Variants in LRRC4C observed in about 807,000 individuals in gnomAD.
LRRC4C encodes leucine-rich repeat-containing protein 4C.
In LRRC4C, 5 loss-of-function variants were observed where a neutral mutation model predicts 33.6. The observed-to-expected ratio is 0.15, with a 90% CI of 0.08 to 0.31. The LOEUF is 0.31. Among genes scored for constraint, LRRC4C ranks in the 10% least tolerant of loss-of-function variants. The pLI, the probability that LRRC4C is intolerant of heterozygous loss-of-function variation, is 1.00. For missense variants in LRRC4C, 560 were observed against 796.7 expected (o/e 0.70, Z 3.58); for synonymous variants, 329 against 302.0 (o/e 1.09, Z -0.93).
intron 3 of LRRC4C, among the ~76,000 whole-genome samples, chr11:40,534,215 T>C (rs550370959): frequency 4.6e-5 from 7 of 152,010 alleles, no homozygotes; most frequent in African/African-American, 1.7e-4. Flanking sequence ...TCATACGTGA[T>C]GTGTCCAATT....
At chr11:40,590,478 C>A (rs377209656) in intron 3 of LRRC4C, among the ~76,000 whole-genome samples, 1 of 152,044 alleles carries the variant, frequency 6.6e-6, no homozygotes, top group African/African-American at 2.4e-5. Flanking sequence ...TCTCTCAGCT[C>A]GTCAAAGTCA....
At chr11:40,521,814 A>T (rs1312565946) in intron 3 of LRRC4C, among the ~76,000 whole-genome samples, 1 of 152,138 alleles carries the variant, frequency 6.6e-6, no homozygotes, top group Non-Finnish European at 1.5e-5. Flanking sequence ...AATTGCAGGG[A>T]GCTGAGATCG....
At chr11:41,167,386 T>C (rs1192887730) in intron 1 of LRRC4C, among the ~76,000 whole-genome samples, 1 of 152,154 alleles carries the variant, frequency 6.6e-6, no homozygotes, top group Non-Finnish European at 1.5e-5. Context: ...ATCCCATTCT[T>C]TGGAGAGAGA....
At chr11:41,102,129 C>A (rs1457588374) in intron 1 of LRRC4C, among the ~76,000 whole-genome samples, 1 of 151,796 alleles carries the variant, frequency 6.6e-6, no homozygotes, top group African/African-American at 2.4e-5. Flanking sequence ...ACCCCTGAAC[C>A]TAAAATAAAA....
chr11:41,043,057 A>G (rs1217294814), intron 1 of LRRC4C, among the ~76,000 whole-genome samples: 1 of 139,306 alleles, frequency 7.2e-6, no homozygotes, highest in Non-Finnish European at 1.5e-5. Context: ...AAATGATTAT[A>G]CAGAATAGAC....
intron 1 of LRRC4C, among the ~76,000 whole-genome samples, chr11:41,232,190 G>A (rs186762570): frequency 5.7e-4 from 87 of 152,056 alleles, no homozygotes; most frequent in African/African-American, 2.1e-3. Context: ...ACCAGAAATA[G>A]TTATTCTTGG....
At chr11:40,867,102 T>A (rs1354837248) in intron 2 of LRRC4C, among the ~76,000 whole-genome samples, 1 of 152,202 alleles carries the variant, frequency 6.6e-6, no homozygotes, top group East Asian at 1.9e-4. Flanking sequence ...AAATCTTAAG[T>A]CTTACTTTAA....
At chr11:40,900,481 C>G (rs1037282395) in intron 2 of LRRC4C, among the ~76,000 whole-genome samples, 7 of 152,058 alleles carry the variant, frequency 4.6e-5, no homozygotes, top group African/African-American at 1.4e-4. Flanking sequence ...TTTGAAGATG[C>G]ATCCTTAGAC....
intron 1 of LRRC4C, among the ~76,000 whole-genome samples, chr11:41,301,010 T>G (rs1461564381): frequency 6.6e-6 from 1 of 152,234 alleles, no homozygotes; most frequent in East Asian, 1.9e-4. Context: ...TTTAAAATTT[T>G]TGTTTGGATA....
At chr11:41,028,081 C>T (rs1856495371) in intron 1 of LRRC4C, among the ~76,000 whole-genome samples, 1 of 151,534 alleles carries the variant, frequency 6.6e-6, no homozygotes, top group Non-Finnish European at 1.5e-5. Context: ...GTTGAGGAAA[C>T]CAATTCACAT....
intron 1 of LRRC4C, among the ~76,000 whole-genome samples, chr11:41,109,338 C>G (rs758605021): frequency 6.6e-5 from 10 of 151,774 alleles, no homozygotes; most frequent in Non-Finnish European, 1.5e-4. Flanking sequence ...TTAAAGCAAC[C>G]CTATAAAATC....
At chr11:40,399,802 C>A (rs1949691245) in intron 3 of LRRC4C, among the ~76,000 whole-genome samples, 1 of 152,030 alleles carries the variant, frequency 6.6e-6, no homozygotes, top group Non-Finnish European at 1.5e-5. Context: ...TGAAATGAAA[C>A]CATTGCAACC....
chr11:40,414,398 T>C (rs1950253549), intron 3 of LRRC4C, among the ~76,000 whole-genome samples: 1 of 152,150 alleles, frequency 6.6e-6, no homozygotes, highest in Non-Finnish European at 1.5e-5. Flanking sequence ...GCAAGAGTGC[T>C]GCAGGACCCA....
chr11:40,796,188 C>T (rs897309053), intron 2 of LRRC4C, among the ~76,000 whole-genome samples: 1 of 152,070 alleles, frequency 6.6e-6, no homozygotes, highest in Non-Finnish European at 1.5e-5. Flanking sequence ...TGAGTGGGAG[C>T]TTGGGCAGTA....
At chr11:40,857,776 A>G (rs970942870) in intron 2 of LRRC4C, among the ~76,000 whole-genome samples, 5 of 152,122 alleles carry the variant, frequency 3.3e-5, no homozygotes, top group Non-Finnish European at 4.4e-5. Flanking sequence ...TTAGCCAGGC[A>G]TGGTGGCATG....
intron 3 of LRRC4C, among the ~76,000 whole-genome samples, chr11:40,556,677 T>C (rs1044888741): frequency 2.6e-5 from 4 of 152,208 alleles, no homozygotes; most frequent in South Asian, 2.1e-4. Flanking sequence ...CACTCTGCCA[T>C]AAAGAGTTGT....
chr11:40,561,851 G>A (rs1957563688), intron 3 of LRRC4C, among the ~76,000 whole-genome samples: 1 of 152,224 alleles, frequency 6.6e-6, no homozygotes, highest in Non-Finnish European at 1.5e-5. Flanking sequence ...GCCATTAGTT[G>A]GAATTTTCTT....
chr11:41,074,118 G>T (rs920445229), intron 1 of LRRC4C, among the ~76,000 whole-genome samples: 2 of 152,040 alleles, frequency 1.3e-5, no homozygotes, highest in Admixed American at 1.3e-4. Context: ...AAATAGTCAA[G>T]ATTTTTTTGT....
chr11:40,491,150 T>C (rs1954131319), intron 3 of LRRC4C, among the ~76,000 whole-genome samples: 1 of 152,066 alleles, frequency 6.6e-6, no homozygotes, highest in South Asian at 2.1e-4. Context: ...CTGGACGTGA[T>C]GGCAGACACC....
Sources: gnomAD v4.1 joint callset for allele counts (sites outside exome capture counted in the v4.1 genomes callset) on GRCh38, gnomAD v4.1.1 for gene constraint, MANE v1.5 for transcripts, NCBI Gene and HGNC (gene_info 2026-07-23, HGNC 2026-07-21) for gene names.